BDP1: variants seen among roughly 807,000 people sequenced by gnomAD.
The protein encoded by BDP1 is BDP1 general transcription factor IIIB subunit.
Under a neutral mutation model 266.6 loss-of-function variants are expected in BDP1, and 169 were observed. The observed-to-expected ratio is 0.63, with a 90% CI of 0.56 to 0.72. The LOEUF is 0.72. Among genes scored for constraint, BDP1 ranks in the 30% least tolerant of loss-of-function variants. BDP1 has a pLI of 0.00. For synonymous variants in BDP1, 1,090 were observed against 1,022.4 expected, an observed-to-expected ratio of 1.07 and a Z score of -1.26; for missense variants, 3,015 against 3,053.8, an observed-to-expected ratio of 0.99 and a Z score of 0.30.
chr5:71,459,136 C>CA (rs1479835504), intron 2 of BDP1, among the ~76,000 whole-genome samples: 1 of 152,144 alleles, frequency 6.6e-6, no homozygotes, highest in Non-Finnish European at 1.5e-5. Flanking sequence ...TGCACATACA[C>CA]AAACATATTT....
At chr5:71,486,719 C>T (rs1763286571) in intron 9 of BDP1, 92 bp downstream of exon 9, 2 of 1,071,246 alleles carry the variant, frequency 1.9e-6, no homozygotes, top group African/African-American at 3.3e-5. Context: ...ATGTGTAGCT[C>T]AGGTAGTTAA....
chr5:71,467,606 A>G (rs1761982949), intron 6 of BDP1, 119 bp downstream of exon 6: 7 of 809,656 alleles, frequency 8.6e-6, no homozygotes, highest in Admixed American at 2.6e-5. Context: ...TATTCCAGCT[A>G]ATTTTATTGA....
At position 71,516,380 on chromosome 5, in the gene BDP1, A is replaced by G; in HGVS notation, c.4860+109A>G. On this transcript the variant is annotated intron_variant, in intron 21 of 38. Coordinates refer to ENST00000358731, the MANE Select transcript of BDP1 (RefSeq NM_018429.3). ...AGGCATCTGACACTTATTCTACTCA[A>G]TGAATACAGTTTCCAGTTTTGTTTC... 7.9e-6 allele frequency: 6 copies of G among 759,406 alleles called. No homozygotes were observed. In the South Asian group the frequency reaches 1.3e-4, roughly 17 times the overall value. The allele number at this position is 759,406 out of a possible 1,614,324, so 47.0% of individuals were successfully genotyped here.
At chr5:71,514,076 T>C (rs2150484415) in intron 19 of BDP1, among the ~76,000 whole-genome samples, 1 of 152,222 alleles carries the variant, frequency 6.6e-6, no homozygotes, top group Non-Finnish European at 1.5e-5. Context: ...AGTTAAAAGC[T>C]TGATTTGAGT....
chr5:71,523,234 C>G (rs948348852), intron 24 of BDP1, among the ~76,000 whole-genome samples: 5 of 152,224 alleles, frequency 3.3e-5, no homozygotes, highest in Non-Finnish European at 5.9e-5. Flanking sequence ...TCTGCTGCCT[C>G]CTTTTTCTTT....
intron 31 of BDP1, 53 bp from the exon 32 acceptor site, chr5:71,544,986 A>T (rs1451407518): frequency 3.8e-5 from 59 of 1,563,936 alleles, no homozygotes; most frequent in Non-Finnish European, 4.7e-5. Context: ...CTCTAAAAAT[A>T]ATTCCATGAT....
chr5:71,505,192 A>G (rs1049927827), intron 16 of BDP1, among the ~76,000 whole-genome samples: 1 of 151,958 alleles, frequency 6.6e-6, no homozygotes, highest in African/African-American at 2.4e-5. Context: ...TTTTTAGTAG[A>G]AACAGGGTTT....
chr5:71,482,629 C>G (rs1029893014), intron 7 of BDP1, among the ~76,000 whole-genome samples: 3 of 152,064 alleles, frequency 2.0e-5, no homozygotes, highest in African/African-American at 7.2e-5. Flanking sequence ...TTAAATTGTT[C>G]TGAATTATAT....
In BDP1 at chr5:71,562,530, A is replaced by T; in HGVS notation, c.7743+10A>T. ...CAGCTCAGCAACTCAGGTATGTGAT[A>T]ACTACTGTATTTTATAGTTTGTATG... On this transcript the variant is annotated intron_variant, in intron 38 of 38. Transcript: ENST00000358731. The T allele has an allele frequency of 6.2e-7, 1 of 1,612,236 alleles. No individual in the cohort carries two copies. The highest frequency in any genetic ancestry group is 2.2e-5 in the East Asian group (1 of 44,830).
downstream of BDP1, among the ~76,000 whole-genome samples, chr5:71,570,169 C>G (rs372764705): frequency 7.9e-5 from 12 of 152,206 alleles, no homozygotes; most frequent in African/African-American, 2.4e-4. Context: ...CATTAGCCTT[C>G]ACTCTGAAAA....
rs1382721639 is a variant in BDP1, at chr5:71,545,206, T to C, written c.6731T>C (p.Leu2244Pro). Residue 2244 changes from leucine to proline, a missense_variant, in exon 32 of 39, where the codon CTT becomes CCT. By Grantham distance (98) the Leu-to-Pro change is moderately conservative. Coordinates refer to ENST00000358731, the MANE Select transcript of BDP1 (RefSeq NM_018429.3). The part of the protein sequence containing the change: ...KDSKGDSVLT[L>P]PVPEYTPTSI... ...TCTAAAGGAGACAGTGTGCTTACAC[T>C]TCCTGTGCCAGAGGTAAAAGAATGT... 6.2e-7 allele frequency: 1 copy of C among 1,613,262 alleles called. No homozygotes were observed. The highest frequency in any genetic ancestry group is 2.2e-5 in the East Asian group (1 of 44,882).
intron 35 of BDP1, 144 bp downstream of exon 35, chr5:71,553,464 A>T: frequency 1.7e-6 from 1 of 585,312 alleles, no homozygotes; most frequent in Non-Finnish European, 2.9e-6. Context: ...ATCATAAGTT[A>T]TTCAAGTAAA....
intron 26 of BDP1, among the ~76,000 whole-genome samples, chr5:71,536,046 T>G (rs778980893): frequency 2.0e-5 from 3 of 152,222 alleles, no homozygotes; most frequent in Non-Finnish European, 4.4e-5. Flanking sequence ...TTCTTTTTCT[T>G]GCCTAACTGC....
intron 7 of BDP1, among the ~76,000 whole-genome samples, chr5:71,473,376 G>A (rs1762384755): frequency 7.2e-6 from 1 of 138,814 alleles, no homozygotes; most frequent in Non-Finnish European, 1.5e-5. Context: ...CTGGGTTCAT[G>A]CCCTTCTCCT....
At chr5:71,498,725 C>A (rs1764045118) in intron 13 of BDP1, among the ~76,000 whole-genome samples, 1 of 122,290 alleles carries the variant, frequency 8.2e-6, no homozygotes, top group African/African-American at 3.0e-5. Context: ...CGCCTGCCGT[C>A]TTTTTTTTTT....
intron 25 of BDP1, among the ~76,000 whole-genome samples, chr5:71,529,813 C>T (rs1233863176): frequency 6.6e-6 from 1 of 152,236 alleles, no homozygotes; most frequent in Non-Finnish European, 1.5e-5. Flanking sequence ...GTATCGCATA[C>T]TGTGTGATTC....
intron 26 of BDP1, 36 bp downstream of exon 26, chr5:71,532,463 T>A: frequency 1.3e-6 from 2 of 1,598,630 alleles, no homozygotes; most frequent in Non-Finnish European, 1.7e-6. Flanking sequence ...GGCCTTTTAT[T>A]CTTTGTTTAC....
At chr5:71,484,414 G>A (rs753305600) in intron 8 of BDP1, among the ~76,000 whole-genome samples, 6 of 152,062 alleles carry the variant, frequency 3.9e-5, no homozygotes, top group Non-Finnish European at 5.9e-5. Context: ...TAGTTGATAA[G>A]CATAATTTTA....
At chr5:71,523,594 G>A (rs1007514876) in intron 24 of BDP1, among the ~76,000 whole-genome samples, 1 of 152,188 alleles carries the variant, frequency 6.6e-6, no homozygotes, top group Non-Finnish European at 1.5e-5. Context: ...GAGTAGAGGC[G>A]TGAGCTACTG....
Sources: gnomAD v4.1 joint callset for allele counts (sites outside exome capture counted in the v4.1 genomes callset) on GRCh38, gnomAD v4.1.1 for gene constraint, MANE v1.5 for transcripts, NCBI Gene and HGNC (gene_info 2026-07-23, HGNC 2026-07-21) for gene names.